Variants in CACNA1E observed in about 807,000 individuals in gnomAD.
CACNA1E encodes calcium voltage-gated channel subunit alpha1 E.
In CACNA1E, 40 loss-of-function variants were observed where a neutral mutation model predicts 259.2. The observed-to-expected ratio is 0.15, with a 90% CI of 0.12 to 0.20. The LOEUF is 0.20. CACNA1E is among the 10% of genes least tolerant of loss of function. The pLI, the probability that CACNA1E is intolerant of heterozygous loss-of-function variation, is 1.00. For synonymous variants in CACNA1E, 1,104 were observed against 1,138.5 expected, an observed-to-expected ratio of 0.97 and a Z score of 0.61; for missense variants, 1,874 against 3,040.1, an observed-to-expected ratio of 0.62 and a Z score of 9.02.
At chr1:181,704,388 T>C (rs1260666411) in intron 7 of CACNA1E, among the ~76,000 whole-genome samples, 1 of 152,154 alleles carries the variant, frequency 6.6e-6, no homozygotes, top group Non-Finnish European at 1.5e-5. Flanking sequence ...GAATTGCCAA[T>C]CTTGCTTCCA....
chr1:181,616,673 C>T (rs1480013767), intron 6 of CACNA1E, among the ~76,000 whole-genome samples: 2 of 152,028 alleles, frequency 1.3e-5, no homozygotes, highest in Non-Finnish European at 1.5e-5. Context: ...GAGATCGCAC[C>T]ACTGCTCTCC....
At chr1:181,326,504 G>A (rs1407491167) in intron 1 of CACNA1E, among the ~76,000 whole-genome samples, 2 of 152,112 alleles carry the variant, frequency 1.3e-5, no homozygotes, top group Non-Finnish European at 2.9e-5. Context: ...TTCTCCTGTG[G>A]TTAGCTCTGG....
At position 181,785,564 on chromosome 1, in the gene CACNA1E, T is replaced by G. The variant is rs1034880455; in HGVS notation, c.5679+146T>G. ...GGGGCCCAAGAACTTTCTAGTGACG[T>G]GGAATTAGAAACCCAGTGGATCGAA... On this transcript the variant is annotated intron_variant, in intron 42 of 47. Transcript: ENST00000367573. 1.5e-5 allele frequency: 13 copies of G among 863,268 alleles called. No individual in the cohort carries two copies. The African/African-American group carries it at 2.2e-4, about 14-fold the overall frequency. The allele number at this position is 863,268 out of a possible 1,614,324, so 53.5% of individuals were successfully genotyped here. A position where few individuals can be genotyped will look rare whatever the true frequency, so the allele number is the denominator to read the frequency against.
chr1:181,667,514 A>T (rs1165985859), intron 7 of CACNA1E, among the ~76,000 whole-genome samples: 3 of 152,168 alleles, frequency 2.0e-5, no homozygotes, highest in African/African-American at 7.2e-5. Context: ...GGATCATCCA[A>T]TATCTGTGTC....
intron 1 of CACNA1E, among the ~76,000 whole-genome samples, chr1:181,350,475 A>G (rs1442664576): frequency 6.6e-6 from 1 of 152,052 alleles, no homozygotes; most frequent in Non-Finnish European, 1.5e-5. Context: ...TTTTATAACC[A>G]AGGGTGGGAG....
chr1:181,649,715 A>G (rs1658587540), intron 6 of CACNA1E, among the ~76,000 whole-genome samples: 1 of 152,210 alleles, frequency 6.6e-6, no homozygotes, highest in Non-Finnish European at 1.5e-5. Context: ...ACATGGATGG[A>G]GCTGGAGGCC....
chr1:181,618,148 A>G (rs1352590843), intron 6 of CACNA1E, among the ~76,000 whole-genome samples: 1 of 152,180 alleles, frequency 6.6e-6, no homozygotes, highest in Non-Finnish European at 1.5e-5. Flanking sequence ...ATTTGTATGA[A>G]TATGTGAGAC....
intron 3 of CACNA1E, among the ~76,000 whole-genome samples, chr1:181,542,490 G>A (rs918995952): frequency 6.6e-6 from 1 of 152,124 alleles, no homozygotes; most frequent in African/African-American, 2.4e-5. Flanking sequence ...ATCAGGTGGA[G>A]GTAATTGAAT....
intron 32 of CACNA1E, among the ~76,000 whole-genome samples, chr1:181,761,245 G>A (rs1351330526): frequency 1.3e-5 from 2 of 152,170 alleles, no homozygotes; most frequent in African/African-American, 2.4e-5. Context: ...AACCTTCTGA[G>A]TGGGTGTTCA....
At chr1:181,694,480 G>C (rs1268665657) in intron 7 of CACNA1E, among the ~76,000 whole-genome samples, 1 of 152,160 alleles carries the variant, frequency 6.6e-6, no homozygotes, top group Admixed American at 6.5e-5. Flanking sequence ...CTCTGCCCTC[G>C]TGAATGGATT....
upstream of CACNA1E, among the ~76,000 whole-genome samples, chr1:181,479,491 C>T (rs150399232): frequency 1.3e-5 from 2 of 152,290 alleles, no homozygotes; most frequent in Non-Finnish European, 2.9e-5. Context: ...CAGTGGAACT[C>T]GGGGCACTGG....
intron 7 of CACNA1E, among the ~76,000 whole-genome samples, chr1:181,696,392 C>A (rs1405393751): frequency 1.3e-5 from 2 of 152,082 alleles, no homozygotes; most frequent in African/African-American, 4.8e-5. Context: ...AGATTCTCTG[C>A]AAAATATAAC....
At chr1:181,483,501 C>G, upstream of CACNA1E, 405 of 210,228 alleles carry the variant, frequency 1.9e-3, no homozygotes, top group Middle Eastern at 7.1e-3. Flanking sequence ...TTTCTTTTTT[C>G]TTTTTTTTTT....
chr1:181,589,972 G>A (rs75837855), intron 6 of CACNA1E, among the ~76,000 whole-genome samples: 2,891 of 152,286 alleles, frequency 0.019, 95 homozygotes, highest in African/African-American at 0.061. Context: ...TTTGGTGGGA[G>A]GGAAGGGTTG....
intron 10 of CACNA1E, 96 bp downstream of exon 10, chr1:181,716,225 A>G (rs1009101856): frequency 1.4e-6 from 1 of 722,434 alleles, no homozygotes; most frequent in Admixed American, 2.3e-5. Flanking sequence ...GAAAGAATCC[A>G]AAGGGTCCAG....
chr1:181,415,197 T>G (rs1443037551), intron 2 of CACNA1E, among the ~76,000 whole-genome samples: 1 of 152,228 alleles, frequency 6.6e-6, no homozygotes, highest in African/African-American at 2.4e-5. Flanking sequence ...TGTCACTCAA[T>G]GCCTATCATC....
At chr1:181,663,349 C>A (rs889422655) in intron 7 of CACNA1E, among the ~76,000 whole-genome samples, 1 of 152,154 alleles carries the variant, frequency 6.6e-6, no homozygotes, top group Non-Finnish European at 1.5e-5. Flanking sequence ...CCTAAGGGTG[C>A]ACAGTCTAAT....
intron 1 of CACNA1E, among the ~76,000 whole-genome samples, chr1:181,370,965 C>G (rs1557948969): frequency 6.6e-6 from 1 of 152,144 alleles, no homozygotes; most frequent in Non-Finnish European, 1.5e-5. Context: ...AATAACCATT[C>G]TGATTGGTGT....
intron 16 of CACNA1E, 145 bp from the exon 17 acceptor site, chr1:181,724,324 GT>G (rs1654687645): frequency 3.2e-6 from 2 of 632,684 alleles, no homozygotes; most frequent in Non-Finnish European, 2.9e-6. Context: ...CTCCCTCTCT[GT>G]TCTCACAGCC....
Sources: allele counts gnomAD v4.1 joint callset (sites outside exome capture counted in the v4.1 genomes callset), GRCh38; gene constraint gnomAD v4.1.1; transcripts MANE v1.5; gene names NCBI Gene and HGNC (gene_info 2026-07-23, HGNC 2026-07-21).